Variants in BBS4 observed in about 807,000 individuals in gnomAD.
BBS4 encodes the protein Bardet-Biedl syndrome 4, also known as BBSome complex member BBS4.
A neutral mutation model predicts 71.4 loss-of-function variants in BBS4; 58 were observed. The observed-to-expected ratio is 0.81, with a 90% CI of 0.66 to 1.01. The LOEUF is 1.01. BBS4 is among the 50% of genes least tolerant of loss of function. BBS4 has a pLI of 0.00. For synonymous variants in BBS4, 228 were observed against 216.8 expected, an observed-to-expected ratio of 1.05 and a Z score of -0.46; for missense variants, 660 against 607.9, an observed-to-expected ratio of 1.09 and a Z score of -0.90.
At chr15:72,727,743 C>T (rs2065729675) in intron 8 of BBS4, among the ~76,000 whole-genome samples, 197 bp from the exon 9 acceptor site, 1 of 152,160 alleles carries the variant, frequency 6.6e-6, no homozygotes, top group Non-Finnish European at 1.5e-5. Flanking sequence ...ATTTTTCTTG[C>T]TGAGCAGTTC....
chr15:72,693,228 T>G (rs537765122), intron 1 of BBS4, among the ~76,000 whole-genome samples: 1 of 152,376 alleles, frequency 6.6e-6, no homozygotes, highest in East Asian at 1.9e-4. Flanking sequence ...GTTTGTTTTA[T>G]TCAGTCAGTA....
Position 72,722,861 on chromosome 15 carries a change from G to A in BBS4, c.459+14G>A, listed in dbSNP as rs200810799. 1 of 1,610,210 alleles carries A rather than the reference G, an allele frequency of 6.2e-7. No individual in the cohort carries two copies. Among genetic ancestry groups the A allele is most frequent in the Admixed American group, 1.7e-5 (1 of 60,008 alleles). On this transcript the variant is annotated intron_variant, in intron 7 of 15. Transcript: ENST00000268057. Reference sequence around the variant, plus strand: ...CAGTTCAACAAGGTAATTTATAGAAGTGGTGATAGATTTCACTGAGGGTGC... The same window carrying A: ...CAGTTCAACAAGGTAATTTATAGAAATGGTGATAGATTTCACTGAGGGTGC...
intron 8 of BBS4, among the ~76,000 whole-genome samples, chr15:72,725,057 T>A (rs56135094): frequency 5.5e-5 from 7 of 127,592 alleles, no homozygotes. Context: ...TATATATATA[T>A]AGAGAGAGAG....
At chr15:72,724,718 T>G in intron 8 of BBS4, 63 bp downstream of exon 8, 22 of 1,578,004 alleles carry the variant, frequency 1.4e-5, no homozygotes, top group Non-Finnish European at 1.7e-5. Context: ...ATATGTGAAC[T>G]CCCAAGCCTA....
intron 11 of BBS4, 28 bp downstream of exon 11, chr15:72,731,485 G>A: frequency 1.2e-6 from 2 of 1,614,148 alleles, no homozygotes; most frequent in Non-Finnish European, 1.7e-6. Flanking sequence ...TTCTTTGTTT[G>A]TATTTCTACA....
At chr15:72,712,340 GA>G (rs1344985909) in intron 4 of BBS4, 33 bp downstream of exon 4, 1 of 1,589,856 alleles carries the variant, frequency 6.3e-7, no homozygotes, top group East Asian at 2.2e-5. Flanking sequence ...TCTTGCTAGA[GA>G]AATACACTTT....
chr15:72,695,470 A>G (rs530079915), intron 2 of BBS4, among the ~76,000 whole-genome samples: 2 of 152,204 alleles, frequency 1.3e-5, no homozygotes, highest in East Asian at 1.9e-4. Flanking sequence ...GTGTTTTAGT[A>G]GAGATGAGGT....
At chr15:72,735,266 C>A (rs974341931) in intron 13 of BBS4, 84 bp downstream of exon 13, 2 of 1,031,536 alleles carry the variant, frequency 1.9e-6, no homozygotes, top group Non-Finnish European at 3.0e-6. Flanking sequence ...ATTGGTGCTG[C>A]CTGTGTCAGC....
Position 72,736,961 on chromosome 15 carries a change from C to T in BBS4, c.1448C>T (p.Ser483Leu), listed in dbSNP as rs1014965643. The T allele has an allele frequency of 3.7e-6, 6 of 1,613,938 alleles. No homozygotes were observed. The African/African-American group carries it at 6.7e-5, about 18-fold the overall frequency. Residue 483 changes from serine (S) to leucine (L), a missense_variant and splice_region_variant, in exon 15 of 16, where the codon TCA becomes TTA. By Grantham distance (145) the Ser-to-Leu change is moderately radical. Transcript: ENST00000268057. Reference sequence around the variant, plus strand: ...GCAGCTGCATACAGGACGCTCCCCTCAGGTAGGACCATACAGAGCTCCATG... The same window carrying T: ...GCAGCTGCATACAGGACGCTCCCCTTAGGTAGGACCATACAGAGCTCCATG... ...SSAAAYRTLPSGAGGTSQFTK... is the reference protein window; with the variant it reads ...SSAAAYRTLPLGAGGTSQFTK...
At chr15:72,712,140 T>C (rs2065383930) in intron 3 of BBS4, 104 bp from the exon 4 acceptor site, 2 of 1,021,228 alleles carry the variant, frequency 2.0e-6, no homozygotes, top group Non-Finnish European at 3.0e-6. Flanking sequence ...GTTTTGGGAT[T>C]ACAAGCATGA....
At chr15:72,707,537 T>C (rs2065286955) in intron 2 of BBS4, among the ~76,000 whole-genome samples, 1 of 152,188 alleles carries the variant, frequency 6.6e-6, no homozygotes, top group Admixed American at 6.5e-5. Context: ...AAAAATAATA[T>C]AAACACACAT....
At chr15:72,692,613 G>GATCTATC (rs1446075551) in intron 1 of BBS4, among the ~76,000 whole-genome samples, 3 of 149,946 alleles carry the variant, frequency 2.0e-5, no homozygotes, top group Non-Finnish European at 1.5e-5. Flanking sequence ...ACACCTGGCT[G>GATCTATC]TTTGTTTGTT....
chr15:72,709,640 A>G, intron 2 of BBS4, 60 bp from the exon 3 acceptor site: 8 of 1,215,168 alleles, frequency 6.6e-6, no homozygotes, highest in South Asian at 1.2e-5. Context: ...ACATGAGGAC[A>G]GTGCTAAAGG....
rs1458417621 is a variant in BBS4, at chr15:72,687,124, C to CTTTTTTTTTTT, written c.24+883_24+884insTTTTTTTTTTT. Among the ~76,000 whole-genome samples the CTTTTTTTTTTT allele has an allele frequency of 2.6e-4, 20 of 76,242 alleles. 3 individuals carry two copies. The highest frequency in any genetic ancestry group is 4.9e-4 in the African/African-American group (10 of 20,550). 50.0% of individuals were successfully genotyped at this position (76,242 alleles called of 152,430 possible). ...AATTAGAAAACTCTGAAGACAGAAA[C>CTTTTTTTTTTT]TTTTTTTTTTGAGACGGAGTGTCGC... On this transcript the variant is annotated intron_variant, in intron 1 of 15. Coordinates refer to ENST00000268057, the MANE Select transcript of BBS4 (RefSeq NM_033028.5).
chr15:72,737,385 T>C lies in BBS4; in HGVS notation c.1451-93T>C, dbSNP rs1254163320. The C allele has an allele frequency of 6.4e-6, 7 of 1,099,854 alleles. No individual in the cohort carries two copies. In the South Asian group the frequency reaches 9.4e-5, roughly 15 times the overall value. 68.1% of individuals were successfully genotyped at this position (1,099,854 alleles called of 1,614,324 possible). ...GGTCAGTCCCACTGGTTCCAGAAAA[T>C]ATGGGGTTTCCTCTTGAACTCTAAC... On this transcript the variant is annotated intron_variant, in intron 15 of 15. Transcript: ENST00000268057.
At chr15:72,731,782 G>C in intron 12 of BBS4, 56 bp downstream of exon 12, 1 of 1,600,498 alleles carries the variant, frequency 6.2e-7, no homozygotes, top group South Asian at 1.1e-5. Flanking sequence ...GGGAAAAATG[G>C]ATTAGAATCA....
chr15:72,702,064 T>G (rs377375955), intron 2 of BBS4, among the ~76,000 whole-genome samples: 1 of 151,694 alleles, frequency 6.6e-6, no homozygotes, highest in South Asian at 2.1e-4. Flanking sequence ...GCCAGGATGG[T>G]CTCAATCTCT....
chr15:72,735,427 C>CTGGCAGTGGGCT, intron 13 of BBS4: 1 of 549,316 alleles, frequency 1.8e-6, no homozygotes, highest in Non-Finnish European at 3.3e-6. Flanking sequence ...AATGTCAGAA[C>CTGGCAGTGGGCT]TGGCAGTGGG....
intron 9 of BBS4, 138 bp downstream of exon 9, chr15:72,728,132 G>A: frequency 3.0e-6 from 2 of 668,990 alleles, no homozygotes; most frequent in Non-Finnish European, 5.4e-6. Flanking sequence ...CTCTCTATTC[G>A]ATACTCTTTG....
Sources: gnomAD v4.1 joint callset for allele counts (sites outside exome capture counted in the v4.1 genomes callset) on GRCh38, gnomAD v4.1.1 for gene constraint, MANE v1.5 for transcripts, NCBI Gene and HGNC (gene_info 2026-07-23, HGNC 2026-07-21) for gene names.